CDHR1: variants seen among roughly 807,000 people sequenced by gnomAD.
CDHR1 encodes the protein cadherin-related family member 1.
In CDHR1, 61 loss-of-function variants were observed where a neutral mutation model predicts 72.1. The ratio of observed to expected loss-of-function variants is 0.85; its 90% CI spans 0.69 to 1.05. The LOEUF (loss-of-function observed/expected upper bound fraction) is 1.05. Ranked by LOEUF, CDHR1 falls within the 50% of genes least tolerant of loss-of-function variation. The pLI is 0.00. For synonymous variants in CDHR1, 470 were observed against 448.1 expected, an observed-to-expected ratio of 1.05 and a Z score of -0.62; for missense variants, 1,186 against 1,115.7, an observed-to-expected ratio of 1.06 and a Z score of -0.90.
intron 10 of CDHR1, among the ~76,000 whole-genome samples, chr10:84,206,661 A>G (rs12263770): frequency 0.036 from 5,497 of 152,194 alleles, 347 homozygotes; most frequent in African/African-American, 0.13. Context: ...CCAAATTTGG[A>G]GATTTGGGCC....
In CDHR1 at chr10:84,197,769, G is replaced by A; in HGVS notation, c.298-17G>A. On this transcript the variant is annotated splice_polypyrimidine_tract_variant and intron_variant, in intron 3 of 16. Transcript: ENST00000623527. Reference sequence around the variant, plus strand: ...TGTCAGACTCCTGGACACTCACTCAGTCCCTGTGCTTCACAGAGGGAAGAT... The same window carrying A: ...TGTCAGACTCCTGGACACTCACTCAATCCCTGTGCTTCACAGAGGGAAGAT... 1.2e-6 allele frequency: 2 copies of A among 1,612,068 alleles called. No homozygotes were observed. Among genetic ancestry groups the A allele is most frequent in the African/African-American group, 2.7e-5 (2 of 75,010 alleles).
chr10:84,216,991 AC>A lies in CDHR1; in HGVS notation c.*2374del. The A allele has an allele frequency of 1.0e-6, 1 of 985,462 alleles. No individual in the cohort carries two copies. The highest frequency in any genetic ancestry group is 1.2e-6 in the Non-Finnish European group (1 of 829,974). 61.0% of individuals were successfully genotyped at this position (985,462 alleles called of 1,614,324 possible). On this transcript the variant is annotated 3_prime_UTR_variant, in exon 17 of 17. Coordinates refer to ENST00000623527, the MANE Select transcript of CDHR1 (RefSeq NM_033100.4). ...GGGACCGAGGGTGGTCTCTTGGACAACCCCAGGAACTTGGACCAAGGCAGAG... is the reference window on the plus strand; with the variant it reads ...GGGACCGAGGGTGGTCTCTTGGACAACCCAGGAACTTGGACCAAGGCAGAG...
chr10:84,209,166 T>A (rs1161293377), intron 12 of CDHR1, among the ~76,000 whole-genome samples: 1 of 152,234 alleles, frequency 6.6e-6, no homozygotes, highest in Non-Finnish European at 1.5e-5. Flanking sequence ...TAAACTATTT[T>A]ATTATCAAGA....
In CDHR1 at chr10:84,195,556, G is replaced by A. The variant is rs138182270; in HGVS notation, c.118G>A (p.Ala40Thr). ...GGTCGGCAGCACCAACGGAAACATG[G>A]CTCTGTTCAGCCTCCCAGAGGACAC... ...NGVGSTNGNM[A>T]LFSLPEDTPV... Residue 40 changes from alanine (A) to threonine (T), a missense_variant, in exon 2 of 17, where the codon GCT (alanine) becomes ACT (threonine). Transcript: ENST00000623527. 1,600 of 1,614,160 alleles carry A rather than the reference G, an allele frequency of 9.9e-4. 7 individuals are homozygous for A. The highest frequency in any genetic ancestry group is 5.8e-4 in the Non-Finnish European group (690 of 1,179,994).
chr10:84,219,123 A>C, downstream of CDHR1: 1 of 1,446,534 alleles, frequency 6.9e-7, no homozygotes, highest in African/African-American at 1.4e-5. Context: ...TCCCTGGTAC[A>C]ACAAAGTCAG....
chr10:84,198,378 TC>T (rs1383090543), intron 4 of CDHR1, among the ~76,000 whole-genome samples: 1 of 152,202 alleles, frequency 6.6e-6, no homozygotes, highest in Non-Finnish European at 1.5e-5. Context: ...TGCCTGGTGT[TC>T]CAGGACTCCT....
chr10:84,213,416 C>T (rs944322573), intron 16 of CDHR1, 68 bp downstream of exon 16: 192 of 1,603,196 alleles, frequency 1.2e-4, no homozygotes, highest in Middle Eastern at 3.3e-4. Context: ...GCAACGTGGG[C>T]AGAGCGAGAA....
rs144979632 is a variant in CDHR1, at chr10:84,203,034, G to C, written c.694G>C (p.Val232Leu). Residue 232 changes from valine (V) to leucine (L), a missense_variant, in exon 8 of 17, where the codon GTC becomes CTC. Physicochemically the swap from Val to Leu is conservative, Grantham distance 32. Transcript: ENST00000623527. ...TGTGGTGTTCTCAGCCACCACCACG[G>C]TCACGGTCAATGTGGAGGATGTTCA... ...ADVVFSATTT[V>L]TVNVEDVQDM... The C allele has an allele frequency of 1.8e-5, 29 of 1,614,212 alleles. No homozygotes were observed. The African/African-American group carries it at 2.5e-4, about 14-fold the overall frequency.
chr10:84,197,562 A>C (rs1262393264), intron 3 of CDHR1, among the ~76,000 whole-genome samples: 1 of 152,144 alleles, frequency 6.6e-6, no homozygotes, highest in African/African-American at 2.4e-5. Flanking sequence ...AGTTTATAAG[A>C]ACCCCGGACA....
chr10:84,195,702 T>A, intron 2 of CDHR1, 113 bp downstream of exon 2: 1 of 847,664 alleles, frequency 1.2e-6, no homozygotes, highest in Non-Finnish European at 2.0e-6. Flanking sequence ...CGGGGGCTCC[T>A]TGTTTGCTCT....
At chr10:84,219,538 C>T (rs1025308387), downstream of CDHR1, 20 of 434,826 alleles carry the variant, frequency 4.6e-5, no homozygotes, top group South Asian at 1.2e-4. Context: ...GATGGTGACA[C>T]CCTCAAGATC....
rs745859117 is a variant in CDHR1 at position 84,218,046 on chromosome 10, G to A, written c.*3425G>A. 2.0e-6 allele frequency: 2 copies of A among 985,456 alleles called. No individual in the cohort carries two copies. The highest frequency in any genetic ancestry group is 2.4e-6 in the Non-Finnish European group (2 of 829,956). The allele number at this position is 985,456 out of a possible 1,614,324, so 61.0% of individuals were successfully genotyped here. On this transcript the variant is annotated 3_prime_UTR_variant, in exon 17 of 17. Transcript: ENST00000623527. ...ACTGAAGGCGTTGAGGGAATCCAAGGCCAGTCCACCTGCCAGGGGTGTTGG... is the reference window on the plus strand; with the variant it reads ...ACTGAAGGCGTTGAGGGAATCCAAGACCAGTCCACCTGCCAGGGGTGTTGG...
intron 8 of CDHR1, 73 bp downstream of exon 8, chr10:84,203,196 C>A: frequency 6.3e-7 from 1 of 1,589,130 alleles, no homozygotes; most frequent in South Asian, 1.1e-5. Flanking sequence ...TTTTAGGGAC[C>A]CCCTGCTGGA....
In CDHR1 at chr10:84,218,344, T is replaced by C. The variant is rs1406514484; in HGVS notation, c.*3723T>C. ...GCTGATGTTGGGGACATCGGTTTGATGTTATAAAATCGTGCACATGTACCC... is the reference window on the plus strand; with the variant it reads ...GCTGATGTTGGGGACATCGGTTTGACGTTATAAAATCGTGCACATGTACCC... On this transcript the variant is annotated 3_prime_UTR_variant, in exon 17 of 17. Transcript: ENST00000623527. The C allele has an allele frequency of 1.0e-6, 1 of 985,334 alleles. No homozygotes were observed. Among genetic ancestry groups the C allele is most frequent in the Non-Finnish European group, 1.2e-6 (1 of 829,944 alleles). 61.0% of individuals were successfully genotyped at this position (985,334 alleles called of 1,614,324 possible).
At position 84,202,034 on chromosome 10, in the gene CDHR1, TG is replaced by T. The variant is rs1842137454; in HGVS notation, c.639+118del. 1.1e-5 allele frequency: 9 copies of T among 792,084 alleles called. No homozygotes were observed. In the South Asian group the frequency reaches 1.2e-4, roughly 10 times the overall value. The allele number at this position is 792,084 out of a possible 1,614,324, so 49.1% of individuals were successfully genotyped here. On this transcript the variant is annotated intron_variant, in intron 7 of 16. Coordinates refer to ENST00000623527, the MANE Select transcript of CDHR1 (RefSeq NM_033100.4). ...TGGAGAGCAGGAGACATGATGGGCG[TG>T]GGGAAATAGGGAGCAGCTGCTCGGA...
rs1469025932 is a variant in CDHR1, at chr10:84,194,810, G to C, written c.50G>C (p.Cys17Ser). The change falls in exon 1 of 17, where the codon TGC (cysteine) becomes TCC (serine). Residue 17 changes from cysteine to serine, a missense_variant. Cys to Ser is a moderately radical substitution (Grantham distance 112, BLOSUM62 -1). Coordinates refer to ENST00000623527, the MANE Select transcript of CDHR1 (RefSeq NM_033100.4). ...AALALGLLRL[C>S]LAQANFAPHF... ...CTGGCCCTGGGGCTGCTGCGCCTCT[G>C]CTTGGGTGAGTGGCCGCTGGGCCGC... The C allele has an allele frequency of 6.5e-7, 1 of 1,532,964 alleles. No homozygotes were observed. The highest frequency in any genetic ancestry group is 1.4e-5 in the African/African-American group (1 of 73,066). 95.0% of individuals were successfully genotyped at this position (1,532,964 alleles called of 1,614,324 possible).
chr10:84,210,810 C>T (rs77285931), intron 12 of CDHR1, among the ~76,000 whole-genome samples, 191 bp from the exon 13 acceptor site: 1,787 of 152,244 alleles, frequency 0.012, 39 homozygotes, highest in African/African-American at 0.041. Flanking sequence ...GCATTACAAG[C>T]CAATTGACGG....
chr10:84,201,259 T>C (rs1167503037), intron 6 of CDHR1, among the ~76,000 whole-genome samples: 1 of 152,188 alleles, frequency 6.6e-6, no homozygotes, highest in Admixed American at 6.5e-5. Flanking sequence ...TAACAGCACC[T>C]GGCACAAGCG....
At chr10:84,205,717 T>G in intron 9 of CDHR1, 110 bp from the exon 10 acceptor site, 3 of 746,242 alleles carry the variant, frequency 4.0e-6, no homozygotes, top group East Asian at 5.3e-5. Context: ...GATGACAGGA[T>G]TCCATTCTAT....
Sources: gnomAD v4.1 joint callset for allele counts (sites outside exome capture counted in the v4.1 genomes callset) on GRCh38, gnomAD v4.1.1 for gene constraint, MANE v1.5 for transcripts, NCBI Gene and HGNC (gene_info 2026-07-23, HGNC 2026-07-21) for gene names.